Variants in FSIP2 observed in about 807,000 individuals in gnomAD.
FSIP2 encodes the protein fibrous sheath interacting protein 2.
Under a neutral mutation model 510.5 loss-of-function variants are expected in FSIP2, and 367 were observed. The ratio of observed to expected loss-of-function variants is 0.72; its 90% CI spans 0.66 to 0.78. The LOEUF (loss-of-function observed/expected upper bound fraction) is 0.78. FSIP2 is among the 30% of genes least tolerant of loss of function. FSIP2 has a pLI of 0.00. For missense variants in FSIP2, 7,594 were observed against 7,901.7 expected (o/e 0.96, Z 1.48); for synonymous variants, 2,601 against 2,732.2 (o/e 0.95, Z 1.50).
chr2:185,825,244 C>A (rs559286702), intron 20 of FSIP2, among the ~76,000 whole-genome samples: 9 of 151,908 alleles, frequency 5.9e-5, no homozygotes, highest in Non-Finnish European at 8.8e-5. Flanking sequence ...TTCACAAAAA[C>A]CACTCCTATA....
In FSIP2 at chr2:185,746,653, T is replaced by C; in HGVS notation, c.618-16T>C. 6.7e-7 allele frequency: 1 copy of C among 1,488,210 alleles called. No individual in the cohort carries two copies. Among genetic ancestry groups the C allele is most frequent in the Non-Finnish European group, 8.9e-7 (1 of 1,126,536 alleles). 92.2% of individuals were successfully genotyped at this position (1,488,210 alleles called of 1,614,324 possible). ...ACAGCCAATTCACCTTTAGCAATATTTGCACTCTTACTCAGATATTTGGAT... is the reference window on the plus strand; with the variant it reads ...ACAGCCAATTCACCTTTAGCAATATCTGCACTCTTACTCAGATATTTGGAT... On this transcript the variant is annotated splice_polypyrimidine_tract_variant and intron_variant, in intron 5 of 22. Coordinates refer to ENST00000424728, the MANE Select transcript of FSIP2 (RefSeq NM_173651.4).
chr2:185,765,137 T>C (rs1442754051), intron 13 of FSIP2: 1 of 151,976 alleles, frequency 6.6e-6, no homozygotes, highest in African/African-American at 2.4e-5. Flanking sequence ...TGTCGGTTTA[T>C]TGGGGTATTA....
In FSIP2 at chr2:185,822,821, G is replaced by A. The variant is rs181280890; in HGVS notation, c.20427-1613G>A. ...TTTCAAATCTTACTACAAAGCTACC[G>A]TAATCAAACAGTGTGATACTGATAT... is the stretch of plus-strand genomic sequence containing the variant. On this transcript the variant is annotated intron_variant, in intron 19 of 22. Coordinates refer to ENST00000424728, the MANE Select transcript of FSIP2 (RefSeq NM_173651.4). Among the ~76,000 whole-genome samples, 305 of 151,834 alleles carry A rather than the reference G, an allele frequency of 2.0e-3. 1 individual carries two copies. Among genetic ancestry groups the A allele is most frequent in the African/African-American group, 6.0e-3 (249 of 41,468 alleles).
chr2:185,791,395 G>C lies in FSIP2; in HGVS notation c.4259G>C (p.Gly1420Ala). The C allele has an allele frequency of 6.5e-7, 1 of 1,534,214 alleles. No homozygotes were observed. Among genetic ancestry groups the C allele is most frequent in the Non-Finnish European group, 8.7e-7 (1 of 1,145,592 alleles). ...ATPCTHHSVN[G>A]GNHIKENAKL... ...CCTTGTACTCACCACAGTGTCAATG[G>C]TGGAAACCATATTAAAGAGAATGCA... Residue 1420 changes from glycine (G) to alanine (A), a missense_variant, in exon 16 of 23, where the codon GGT becomes GCT. Gly to Ala is a moderately conservative substitution (Grantham distance 60, BLOSUM62 0). Coordinates refer to ENST00000424728, the MANE Select transcript of FSIP2 (RefSeq NM_173651.4).
chr2:185,803,226 C>T lies in FSIP2; in HGVS notation c.13920C>T (p.Gly4640=). The T allele has an allele frequency of 6.5e-7, 1 of 1,530,034 alleles. No individual in the cohort carries two copies. Among genetic ancestry groups the T allele is most frequent in the East Asian group, 2.5e-5 (1 of 40,786 alleles). The allele number at this position is 1,530,034 out of a possible 1,614,324, so 94.8% of individuals were successfully genotyped here. A position where few individuals can be genotyped will look rare whatever the true frequency, so the allele number is the denominator to read the frequency against. ...VLRKIFHRVV[G]IVQTKSIRDS... ...GAAAAATATTCCACAGGGTAGTAGGCATTGTACAAACAAAATCCATAAGAG... is the reference window on the plus strand; with the variant it reads ...GAAAAATATTCCACAGGGTAGTAGGTATTGTACAAACAAAATCCATAAGAG... Residue 4640 remains glycine, a synonymous_variant, in exon 17 of 23, where the codon GGC becomes GGT. Transcript: ENST00000424728.
At chr2:185,787,590 T>TA (rs1693019182) in intron 15 of FSIP2, among the ~76,000 whole-genome samples, 2 of 151,806 alleles carry the variant, frequency 1.3e-5, no homozygotes, top group South Asian at 4.1e-4. Context: ...AACTTAAAAA[T>TA]AGAGTACTAC....
Position 185,794,546 on chromosome 2 carries a change from G to C in FSIP2, c.7410G>C (p.Met2470Ile). 6.5e-7 allele frequency: 1 copy of C among 1,529,866 alleles called. No individual in the cohort carries two copies. Among genetic ancestry groups the C allele is most frequent in the South Asian group, 1.2e-5 (1 of 82,484 alleles). 94.8% of individuals were successfully genotyped at this position (1,529,866 alleles called of 1,614,324 possible). Residue 2470 changes from methionine to isoleucine, a missense_variant, in exon 16 of 23, where the codon ATG becomes ATC. By Grantham distance (10) the Met-to-Ile change is conservative. Coordinates refer to ENST00000424728, the MANE Select transcript of FSIP2 (RefSeq NM_173651.4). ...RQIIVLEEIF[M>I]RNGESKNKEK... Reference sequence around the variant, plus strand: ...TAATTGTTTTGGAAGAAATATTTATGAGAAATGGAGAATCAAAAAACAAAG... The same window carrying C: ...TAATTGTTTTGGAAGAAATATTTATCAGAAATGGAGAATCAAAAAACAAAG...
At position 185,807,883 on chromosome 2, in the gene FSIP2, A is replaced by G. The variant is rs765763457; in HGVS notation, c.18577A>G (p.Ile6193Val). 2.0e-5 allele frequency: 32 copies of G among 1,604,894 alleles called. No individual in the cohort carries two copies. Among genetic ancestry groups the G allele is most frequent in the African/African-American group, 4.0e-5 (3 of 74,360 alleles). The change falls in exon 17 of 23, where the codon ATA becomes GTA. Residue 6193 changes from isoleucine to valine, a missense_variant. Coordinates refer to ENST00000424728, the MANE Select transcript of FSIP2 (RefSeq NM_173651.4). ...GAAATTTTTATCAAAGCTTTTATCT[A>G]TATTTCCAAAAGTACATAAAGAAAG... The part of the protein sequence containing the change: ...AVKFLSKLLS[I>V]FPKVHKERTK...
intron 10 of FSIP2, 79 bp from the exon 11 acceptor site, chr2:185,761,893 T>C: frequency 1.4e-6 from 1 of 729,836 alleles, no homozygotes; most frequent in South Asian, 1.9e-5. Context: ...TATTCATTGG[T>C]TAATTGATAG....
Position 185,792,431 on chromosome 2 carries a change from T to TGAA in FSIP2, c.5297_5299dup (p.Glu1766dup). The TGAA allele has an allele frequency of 6.5e-7, 1 of 1,533,642 alleles. No homozygotes were observed. The highest frequency in any genetic ancestry group is 1.4e-5 in the African/African-American group (1 of 72,966). On this transcript the variant is annotated inframe_insertion, in exon 16 of 23. Coordinates refer to ENST00000424728, the MANE Select transcript of FSIP2 (RefSeq NM_173651.4). ...CTCTCGAAAAAACCTTAAACAAAAT[T>TGAA]GAAGTAAAACTCAAAGAACCACATA...
chr2:185,815,500 A>G (rs1447343498), intron 19 of FSIP2, 29 bp downstream of exon 19: 4 of 1,044,860 alleles, frequency 3.8e-6, no homozygotes, highest in Middle Eastern at 2.1e-4. Flanking sequence ...GTAGAAATAT[A>G]GAAATCTGAT....
intron 13 of FSIP2, among the ~76,000 whole-genome samples, chr2:185,770,937 A>G (rs1692595512): frequency 6.6e-6 from 1 of 152,206 alleles, no homozygotes; most frequent in African/African-American, 2.4e-5. Context: ...AAAACAGTCA[A>G]AATAAAGGGG....
chr2:185,772,504 T>C (rs1249996506), intron 13 of FSIP2, among the ~76,000 whole-genome samples: 1 of 152,104 alleles, frequency 6.6e-6, no homozygotes, highest in African/African-American at 2.4e-5. Context: ...GCATATCACA[T>C]GGTAAGAAAG....
chr2:185,800,365 CT>C lies in FSIP2; in HGVS notation c.11060del (p.Leu3687GlnfsTer9). On this transcript the variant is annotated frameshift_variant, in exon 17 of 23. Transcript: ENST00000424728. LOFTEE classifies it high-confidence loss of function. ...TAAGTTAAACAGCCTGGTTGGTAAC[CT>C]AAAAACAAGTGAATCCAAAGAAGTA... Reference protein sequence around the residue: ...ACKLNSLVGNLKTSESKEVVN... With the variant: ...ACKLNSLVGNXKTSESKEVVN... 6.5e-7 allele frequency: 1 copy of C among 1,527,344 alleles called. No individual in the cohort carries two copies. The highest frequency in any genetic ancestry group is 8.7e-7 in the Non-Finnish European group (1 of 1,143,776). The allele number at this position is 1,527,344 out of a possible 1,614,324, so 94.6% of individuals were successfully genotyped here. A position where few individuals can be genotyped will look rare whatever the true frequency, so the allele number is the denominator to read the frequency against.
At chr2:185,755,313 TTCTA>T (rs1441130279) in intron 8 of FSIP2, among the ~76,000 whole-genome samples, 2 of 151,718 alleles carry the variant, frequency 1.3e-5, no homozygotes, top group Admixed American at 6.6e-5. Flanking sequence ...AATTGATTAA[TTCTA>T]TCTGTTTAGT....
rs570392600 is a variant in FSIP2, at chr2:185,738,809, T to A, written c.-86T>A. The A allele has an allele frequency of 6.5e-7, 1 of 1,535,788 alleles. No individual in the cohort carries two copies. ...GAGGTCGTTGGGCTCTGGCCATTCCTGGTCAGGTCCGGACAGAGGGACAAC... is the reference window on the plus strand; with the variant it reads ...GAGGTCGTTGGGCTCTGGCCATTCCAGGTCAGGTCCGGACAGAGGGACAAC... On this transcript the variant is annotated 5_prime_UTR_variant, in exon 1 of 23. Transcript: ENST00000424728.
intron 20 of FSIP2, among the ~76,000 whole-genome samples, chr2:185,827,686 A>T (rs1694037287): frequency 6.6e-6 from 1 of 151,856 alleles, no homozygotes; most frequent in South Asian, 2.1e-4. Context: ...AGCTCTCCTG[A>T]TTCTCCCAGA....
chr2:185,807,104 C>T lies in FSIP2; in HGVS notation c.17798C>T (p.Ser5933Phe), dbSNP rs191083003. The T allele has an allele frequency of 1.4e-4, 229 of 1,598,100 alleles. 1 individual carries two copies. The East Asian group carries it at 4.9e-3, about 34-fold the overall frequency. ...NILNDYGSQD[S>F]IWKNINSNGE... ...TTAAATGACTATGGATCTCAAGACT[C>T]TATTTGGAAGAATATAAACAGTAAT... Residue 5933 changes from serine (S) to phenylalanine (F), a missense_variant, in exon 17 of 23, where the codon TCT (serine) becomes TTT (phenylalanine). By Grantham distance (155) the Ser-to-Phe change is radical. Transcript: ENST00000424728.
At chr2:185,750,757 A>G (rs974152130) in intron 7 of FSIP2, among the ~76,000 whole-genome samples, 5 of 151,158 alleles carry the variant, frequency 3.3e-5, no homozygotes. Context: ...GTCTATCAAG[A>G]GTCCCCAGAT....
Sources: gnomAD v4.1 joint callset for allele counts (sites outside exome capture counted in the v4.1 genomes callset) on GRCh38, gnomAD v4.1.1 for gene constraint, MANE v1.5 for transcripts, NCBI Gene and HGNC (gene_info 2026-07-23, HGNC 2026-07-21) for gene names.